TSHZ2: variants seen among roughly 807,000 people sequenced by gnomAD.
TSHZ2 encodes the protein teashirt zinc finger homeobox 2, also known as teashirt homolog 2.
Under a neutral mutation model 74.4 loss-of-function variants are expected in TSHZ2, and 21 were observed. The observed-to-expected ratio is 0.28, with a 90% confidence interval of 0.20 to 0.41. The LOEUF (loss-of-function observed/expected upper bound fraction) is 0.41, where lower values mean the gene tolerates loss of function less well. Ranked by LOEUF, TSHZ2 falls within the 10% of genes least tolerant of loss-of-function variation. The pLI is 1.00. For synonymous variants in TSHZ2, 540 were observed against 515.3 expected (o/e 1.05, Z -0.65); for missense variants, 1,244 against 1,293.5 (o/e 0.96, Z 0.59).
At chr20:53,097,195 C>T (rs1021560031) in intron 1 of TSHZ2, among the ~76,000 whole-genome samples, 2 of 152,132 alleles carry the variant, frequency 1.3e-5, no homozygotes, top group African/African-American at 4.8e-5. Flanking sequence ...AAAACTGCCT[C>T]TGATTGAGAA....
chr20:53,422,492 A>G (rs1392797046), intron 2 of TSHZ2, among the ~76,000 whole-genome samples: 1 of 152,190 alleles, frequency 6.6e-6, no homozygotes, highest in Admixed American at 6.5e-5. Context: ...TACGTTCTCA[A>G]CACCTTCTCA....
intron 2 of TSHZ2, among the ~76,000 whole-genome samples, chr20:53,301,578 C>T (rs1226049518): frequency 7.9e-5 from 12 of 152,172 alleles, no homozygotes; most frequent in Non-Finnish European, 1.5e-5. Flanking sequence ...AATATTTATA[C>T]ATTAGAATAC....
chr20:52,987,646 A>T (rs1981823929), intron 1 of TSHZ2, among the ~76,000 whole-genome samples: 1 of 152,140 alleles, frequency 6.6e-6, no homozygotes, highest in South Asian at 2.1e-4. Context: ...AACAGAAAAA[A>T]ATATAAGAAG....
intron 1 of TSHZ2, among the ~76,000 whole-genome samples, chr20:53,201,796 G>A (rs1177549598): frequency 6.6e-6 from 1 of 152,086 alleles, no homozygotes; most frequent in East Asian, 1.9e-4. Context: ...TAAATGTTTG[G>A]CAGCATCCCT....
At chr20:53,331,777 G>A (rs1014104611) in intron 2 of TSHZ2, among the ~76,000 whole-genome samples, 5 of 151,986 alleles carry the variant, frequency 3.3e-5, no homozygotes, top group Non-Finnish European at 7.4e-5. Context: ...GGGTGGAGTC[G>A]GGGCATGTGA....
At chr20:53,143,685 C>A (rs2123421990) in intron 1 of TSHZ2, among the ~76,000 whole-genome samples, 1 of 151,940 alleles carries the variant, frequency 6.6e-6, no homozygotes, top group East Asian at 1.9e-4. Context: ...GAGCAAGACT[C>A]CGTCTCAAAA....
chr20:53,123,033 C>T (rs1160080023), intron 1 of TSHZ2, among the ~76,000 whole-genome samples: 1 of 152,190 alleles, frequency 6.6e-6, no homozygotes, highest in Non-Finnish European at 1.5e-5. Context: ...CCACCCATAA[C>T]TACATGAATG....
chr20:53,314,202 C>T lies in TSHZ2; in HGVS notation c.*8+57631C>T, dbSNP rs188379926. 2.2e-3 allele frequency among the ~76,000 whole-genome samples: 327 copies of T among 151,588 alleles called. 2 individuals are homozygous for T. The highest frequency in any genetic ancestry group is 7.7e-4 in the Non-Finnish European group (52 of 67,922). ...ACTTGGGAGGCTGAAACAAGAGAAT[C>T]GCTTGAACCTGGGAGGCGGTGGTTG... On this transcript the variant is annotated intron_variant, in intron 2 of 2. Coordinates refer to ENST00000371497, the MANE Select transcript of TSHZ2 (RefSeq NM_173485.6).
intron 1 of TSHZ2, among the ~76,000 whole-genome samples, chr20:53,150,834 C>T (rs1987660752): frequency 6.6e-6 from 1 of 152,144 alleles, no homozygotes; most frequent in Non-Finnish European, 1.5e-5. Flanking sequence ...ACCAGTGGAG[C>T]TCTGAGGCCA....
chr20:53,087,138 C>A (rs1236469434), intron 1 of TSHZ2, among the ~76,000 whole-genome samples: 1 of 152,126 alleles, frequency 6.6e-6, no homozygotes, highest in Non-Finnish European at 1.5e-5. Flanking sequence ...AGACCTTTTG[C>A]CCTTTCTTGA....
intron 1 of TSHZ2, among the ~76,000 whole-genome samples, chr20:53,195,772 A>G (rs915341592): frequency 6.6e-6 from 1 of 152,150 alleles, no homozygotes; most frequent in African/African-American, 2.4e-5. Flanking sequence ...AATCCTCCTA[A>G]CAGCCTTGGA....
intron 2 of TSHZ2, among the ~76,000 whole-genome samples, chr20:53,384,483 G>T (rs911105305): frequency 7.9e-5 from 12 of 152,230 alleles, no homozygotes; most frequent in Non-Finnish European, 1.6e-4. Flanking sequence ...TTTGTTTATG[G>T]CTTCACCTTG....
At chr20:53,202,986 A>C (rs538670690) in intron 1 of TSHZ2, among the ~76,000 whole-genome samples, 1 of 152,234 alleles carries the variant, frequency 6.6e-6, no homozygotes, top group South Asian at 2.1e-4. Context: ...AATCATACGT[A>C]GGCAGATCAA....
In TSHZ2 at chr20:53,380,139, AGTGT is replaced by A. The variant is rs3222593; in HGVS notation, c.*9-106983_*9-106980del. On this transcript the variant is annotated intron_variant, in intron 2 of 2. Coordinates refer to ENST00000371497, the MANE Select transcript of TSHZ2 (RefSeq NM_173485.6). ...TGAGCTTGAAGGTTGATGGTTGGAG[AGTGT>A]GTGTGTGTGTGTGTGTGTGTGCACA... Among the ~76,000 whole-genome samples the A allele has an allele frequency of 2.1e-3, 314 of 149,516 alleles. 1 individual carries two copies. Among genetic ancestry groups the A allele is most frequent in the Admixed American group, 7.2e-3 (108 of 15,000 alleles).
intron 1 of TSHZ2, among the ~76,000 whole-genome samples, chr20:53,040,798 G>T (rs1017789532): frequency 2.6e-5 from 4 of 152,118 alleles, no homozygotes; most frequent in African/African-American, 9.7e-5. Flanking sequence ...CCACAGTGGG[G>T]CCCAGGTTGC....
intron 2 of TSHZ2, among the ~76,000 whole-genome samples, chr20:53,335,927 C>T (rs988520257): frequency 2.6e-5 from 4 of 152,296 alleles, no homozygotes; most frequent in Admixed American, 2.0e-4. Flanking sequence ...TGAAAGAATC[C>T]GCAATTAACA....
intron 1 of TSHZ2, among the ~76,000 whole-genome samples, chr20:53,157,857 C>T (rs752070296): frequency 6.6e-6 from 1 of 151,780 alleles, no homozygotes; most frequent in Non-Finnish European, 1.5e-5. Flanking sequence ...ATTTGGGGGT[C>T]GCAATAAAGA....
At chr20:53,364,253 G>C (rs529669862) in intron 2 of TSHZ2, among the ~76,000 whole-genome samples, 1 of 152,324 alleles carries the variant, frequency 6.6e-6, no homozygotes, top group South Asian at 2.1e-4. Flanking sequence ...ACAAAGCCCA[G>C]CTGGCAGGTA....
intron 2 of TSHZ2, among the ~76,000 whole-genome samples, chr20:53,406,832 G>A (rs369154019): frequency 6.6e-6 from 1 of 152,198 alleles, no homozygotes; most frequent in East Asian, 1.9e-4. Flanking sequence ...TTAGATTCCA[G>A]GCTCAGGGAA....
Sources: gnomAD v4.1 joint callset for allele counts (sites outside exome capture counted in the v4.1 genomes callset) on GRCh38, gnomAD v4.1.1 for gene constraint, MANE v1.5 for transcripts, NCBI Gene and HGNC (gene_info 2026-07-23, HGNC 2026-07-21) for gene names.